Variants in DHRSX observed in about 807,000 individuals in gnomAD.
The protein encoded by DHRSX is dehydrogenase/reductase X-linked, also known as polyprenol dehydrogenase.
Under a neutral mutation model 34.0 loss-of-function variants are expected in DHRSX, and 31 were observed. That is an observed-to-expected ratio of 0.91 (90% CI 0.69 to 1.23). The LOEUF (loss-of-function observed/expected upper bound fraction) is 1.23, where lower values mean the gene tolerates loss of function less well. Among genes scored for constraint, DHRSX ranks in the 50% most tolerant of loss-of-function variants. The probability of loss-of-function intolerance (pLI) is 0.00; values close to 1 mark genes in which losing one functional copy is unlikely to be tolerated. For synonymous variants in DHRSX, 201 were observed against 183.8 expected (o/e 1.09, Z -0.76); for missense variants, 414 against 428.1 (o/e 0.97, Z 0.29).
chrX:2,309,584 C>G (rs2042139836), intron 3 of DHRSX, among the ~76,000 whole-genome samples: 1 of 152,158 alleles, frequency 6.6e-6, no homozygotes, highest in Non-Finnish European at 1.5e-5. Context: ...AAAATCAGAT[C>G]TTAGTCAACC....
intron 5 of DHRSX, among the ~76,000 whole-genome samples, chrX:2,246,967 GAGA>G (rs1270549033): frequency 2.6e-5 from 4 of 152,138 alleles, no homozygotes; most frequent in African/African-American, 7.2e-5. Flanking sequence ...GTTGTTGTTT[GAGA>G]AGGAGTCTTG....
chrX:2,351,131 G>A (rs2042784323), intron 3 of DHRSX, among the ~76,000 whole-genome samples: 1 of 152,144 alleles, frequency 6.6e-6, no homozygotes. Context: ...CTTAATGCAT[G>A]CAGGGCTTAA....
intron 1 of DHRSX, among the ~76,000 whole-genome samples, chrX:2,469,016 A>T (rs1953275740): frequency 6.6e-6 from 1 of 151,642 alleles, no homozygotes; most frequent in South Asian, 2.1e-4. Flanking sequence ...ACAGCACTGA[A>T]GACATTCCCT....
intron 6 of DHRSX, among the ~76,000 whole-genome samples, chrX:2,224,707 TG>T (rs1214697904): frequency 5.3e-5 from 8 of 151,944 alleles, no homozygotes; most frequent in Admixed American, 2.0e-4. Context: ...TATACACATA[TG>T]GACACACACA....
At chrX:2,222,875 G>T (rs766118137) in intron 6 of DHRSX, among the ~76,000 whole-genome samples, 8 of 152,312 alleles carry the variant, frequency 5.3e-5, no homozygotes, top group African/African-American at 1.4e-4. Context: ...AGACAATCCA[G>T]TGTGCCCACC....
chrX:2,348,853 T>G (rs1433283701), intron 3 of DHRSX, among the ~76,000 whole-genome samples: 3 of 151,756 alleles, frequency 2.0e-5, no homozygotes, highest in Non-Finnish European at 4.4e-5. Flanking sequence ...ACGACCACAC[T>G]CAGCTAATTT....
intron 1 of DHRSX, among the ~76,000 whole-genome samples, chrX:2,450,443 C>G (rs949344549): frequency 2.0e-5 from 3 of 151,836 alleles, no homozygotes; most frequent in African/African-American, 7.3e-5. Flanking sequence ...GGCTTGGCAA[C>G]AAGAGCAAAA....
chrX:2,499,661 C>G (rs890208117), intron 1 of DHRSX, among the ~76,000 whole-genome samples: 1 of 152,012 alleles, frequency 6.6e-6, no homozygotes, highest in African/African-American at 2.4e-5. Context: ...AAACCCAGCA[C>G]TTTGGGGGAC....
chrX:2,495,692 CA>C (rs1424123017), intron 1 of DHRSX, among the ~76,000 whole-genome samples: 9 of 152,088 alleles, frequency 5.9e-5, no homozygotes, highest in African/African-American at 2.2e-4. Flanking sequence ...TCCGAGCACA[CA>C]AGGCCACGAA....
At chrX:2,414,404 A>C (rs2043668801) in intron 2 of DHRSX, among the ~76,000 whole-genome samples, 1 of 151,828 alleles carries the variant, frequency 6.6e-6, no homozygotes, top group South Asian at 2.1e-4. Context: ...TTATCCAAGT[A>C]AATCTCCTCA....
Position 2,276,811 on chromosome X carries a change from GAC to G in DHRSX, c.389-9866_389-9865del, listed in dbSNP as rs1409518938. On this transcript the variant is annotated intron_variant, in intron 4 of 6. Transcript: ENST00000334651. ...GAGGGAGGAAATAGGGAGAAAGAGA[GAC>G]AAAGAGAGATGGAGAGGGAACAGGG... 1.1e-4 allele frequency among the ~76,000 whole-genome samples: 15 copies of G among 142,018 alleles called. 1 individual carries two copies. The highest frequency in any genetic ancestry group is 1.4e-4 in the Non-Finnish European group (9 of 65,418). 93.2% of individuals were successfully genotyped at this position (142,018 alleles called of 152,430 possible). A position where few individuals can be genotyped will look rare whatever the true frequency, so the allele number is the denominator to read the frequency against.
intron 3 of DHRSX, among the ~76,000 whole-genome samples, chrX:2,319,948 C>T (rs1377832146): frequency 6.6e-6 from 1 of 151,934 alleles, no homozygotes; most frequent in African/African-American, 2.4e-5. Context: ...CCTGCCTCAG[C>T]GTCATGAGTA....
At chrX:2,353,981 G>C (rs1246689793) in intron 3 of DHRSX, among the ~76,000 whole-genome samples, 1 of 152,124 alleles carries the variant, frequency 6.6e-6, no homozygotes, top group African/African-American at 2.4e-5. Context: ...GAAGAAGGCA[G>C]CGTATCCCTT....
intron 3 of DHRSX, among the ~76,000 whole-genome samples, chrX:2,328,690 C>G (rs1251898233): frequency 6.6e-6 from 1 of 152,198 alleles, no homozygotes; most frequent in East Asian, 1.9e-4. Context: ...TCACAGACTT[C>G]CAGCCTTCAG....
intron 1 of DHRSX, among the ~76,000 whole-genome samples, chrX:2,460,124 CAAAA>C (rs2044382448): frequency 6.6e-6 from 1 of 151,912 alleles, no homozygotes; most frequent in African/African-American, 2.4e-5. Flanking sequence ...AACAAACAAA[CAAAA>C]AAAGTATCCA....
At chrX:2,434,025 G>A (rs1284764739) in intron 1 of DHRSX, among the ~76,000 whole-genome samples, 21 of 152,074 alleles carry the variant, frequency 1.4e-4, no homozygotes, top group African/African-American at 3.9e-4. Context: ...TGATCCGCCC[G>A]CCTCGGCCTC....
At chrX:2,414,197 CCTAA>C (rs1476703281) in intron 2 of DHRSX, among the ~76,000 whole-genome samples, 4 of 151,798 alleles carry the variant, frequency 2.6e-5, no homozygotes, top group Non-Finnish European at 4.4e-5. Flanking sequence ...CTCATCGTGA[CCTAA>C]CTAACTCTCA....
chrX:2,500,926 G>A lies in DHRSX; in HGVS notation c.-1C>T. On this transcript the variant is annotated 5_prime_UTR_variant, in exon 1 of 7. Coordinates refer to ENST00000334651, the MANE Select transcript of DHRSX (RefSeq NM_145177.3). ...CCCGCGCCGCAGACAATGGCGACAT[G>A]GCTGCCCCGGCCGCGCCGCCGCCGC... The A allele has an allele frequency of 5.6e-6, 6 of 1,073,262 alleles. No homozygotes were observed. Among genetic ancestry groups the A allele is most frequent in the Non-Finnish European group, 6.8e-6 (6 of 887,776 alleles). 66.5% of individuals were successfully genotyped at this position (1,073,262 alleles called of 1,614,324 possible). A position where few individuals can be genotyped will look rare whatever the true frequency, so the allele number is the denominator to read the frequency against.
chrX:2,305,895 C>T (rs747585351), intron 3 of DHRSX, among the ~76,000 whole-genome samples: 56 of 152,120 alleles, frequency 3.7e-4, no homozygotes, highest in African/African-American at 1.3e-3. Context: ...ATGTAGATAA[C>T]GAGTTGATGG....
Sources: gnomAD v4.1 joint callset for allele counts (sites outside exome capture counted in the v4.1 genomes callset) on GRCh38, gnomAD v4.1.1 for gene constraint, MANE v1.5 for transcripts, NCBI Gene and HGNC (gene_info 2026-07-23, HGNC 2026-07-21) for gene names.